The following ZC3H3 variants were observed in gnomAD, a reference collection of about 807,000 sequenced individuals.
The protein encoded by ZC3H3 is zinc finger CCCH-type containing 3, also known as zinc finger CCCH domain-containing protein 3.
Under a neutral mutation model 77.3 loss-of-function variants are expected in ZC3H3, and 36 were observed. The ratio of observed to expected loss-of-function variants is 0.47; its 90% confidence interval spans 0.36 to 0.61. The LOEUF is 0.61. Ranked by LOEUF, ZC3H3 falls within the 20% of genes least tolerant of loss-of-function variation. The probability of loss-of-function intolerance (pLI) is 0.00; values close to 1 mark genes in which losing one functional copy is unlikely to be tolerated. For missense variants in ZC3H3, 1,331 were observed against 1,312.2 expected (o/e 1.01, Z -0.22); for synonymous variants, 626 against 555.2 (o/e 1.13, Z -1.79).
chr8:143,476,860 C>CA (rs1184659754), intron 4 of ZC3H3, among the ~76,000 whole-genome samples: 2 of 152,252 alleles, frequency 1.3e-5, no homozygotes, highest in East Asian at 3.8e-4. Context: ...CTGAGCCCCC[C>CA]AACCCATCCA....
At chr8:143,500,438 T>C (rs1160978892) in intron 4 of ZC3H3, among the ~76,000 whole-genome samples, 2 of 152,202 alleles carry the variant, frequency 1.3e-5, no homozygotes, top group Non-Finnish European at 2.9e-5. Context: ...GAGCAGAGCA[T>C]CTGCACACTG....
At chr8:143,529,221 A>G (rs1822519609) in intron 3 of ZC3H3, among the ~76,000 whole-genome samples, 1 of 152,112 alleles carries the variant, frequency 6.6e-6, no homozygotes, top group Admixed American at 6.5e-5. Flanking sequence ...ACTGGAATCC[A>G]CAGGCTGCGC....
At position 143,541,361 on chromosome 8, in the gene ZC3H3, C is replaced by T; in HGVS notation, c.46+15G>A. 6.2e-7 allele frequency: 1 copy of T among 1,608,240 alleles called. No individual in the cohort carries two copies. ...GAAAGAAGGGGACTCGCGTCCCGGCCCCGGCCGGACCTACCCTGCAGTAGG... is the reference window on the plus strand; with the variant it reads ...GAAAGAAGGGGACTCGCGTCCCGGCTCCGGCCGGACCTACCCTGCAGTAGG... On this transcript the variant is annotated intron_variant, in intron 1 of 11. Coordinates refer to ENST00000262577, the MANE Select transcript of ZC3H3 (RefSeq NM_015117.3).
intron 9 of ZC3H3, among the ~76,000 whole-genome samples, chr8:143,454,936 G>A (rs1043795140): frequency 1.3e-5 from 2 of 152,036 alleles, no homozygotes; most frequent in Non-Finnish European, 2.9e-5. Context: ...GCCCCAAAGT[G>A]CAACAGTAGT....
intron 4 of ZC3H3, among the ~76,000 whole-genome samples, chr8:143,488,820 T>G (rs188599269): frequency 1.3e-5 from 2 of 152,360 alleles, no homozygotes; most frequent in East Asian, 1.9e-4. Context: ...CGACTCCCCC[T>G]GAACACTTGG....
At chr8:143,455,701 G>A (rs1293317612) in intron 9 of ZC3H3, among the ~76,000 whole-genome samples, 1 of 152,184 alleles carries the variant, frequency 6.6e-6, no homozygotes, top group East Asian at 1.9e-4. Flanking sequence ...AGCCGGGCGT[G>A]ATGGCTCATG....
At chr8:143,495,983 CAT>C (rs1372932388) in intron 4 of ZC3H3, among the ~76,000 whole-genome samples, 13 of 152,256 alleles carry the variant, frequency 8.5e-5, no homozygotes, top group South Asian at 2.1e-4. Flanking sequence ...ACTATGAACA[CAT>C]GTGGACCTCT....
At chr8:143,468,562 C>A in intron 6 of ZC3H3, 22 bp from the exon 7 acceptor site, 1 of 1,602,814 alleles carries the variant, frequency 6.2e-7, no homozygotes, top group African/African-American at 1.3e-5. Context: ...GAGAGAGGTG[C>A]GTGAGCCTGA....
At chr8:143,499,968 C>A (rs1297525366) in intron 4 of ZC3H3, among the ~76,000 whole-genome samples, 2 of 152,194 alleles carry the variant, frequency 1.3e-5, no homozygotes, top group African/African-American at 2.4e-5. Context: ...GCCCTGATAA[C>A]CCCTGGCCCC....
At position 143,463,501 on chromosome 8, in the gene ZC3H3, C is replaced by T. The variant is rs183429185; in HGVS notation, c.2307+2216G>A. Reference sequence around the variant, plus strand: ...TGGACAAACAGGCGAGCGGTGAGCACGGAGGAGGGAAAACTCTTCCGTTCA... The same window carrying T: ...TGGACAAACAGGCGAGCGGTGAGCATGGAGGAGGGAAAACTCTTCCGTTCA... On this transcript the variant is annotated intron_variant, in intron 9 of 11. Transcript: ENST00000262577. Among the ~76,000 whole-genome samples the T allele has an allele frequency of 2.2e-3, 330 of 152,242 alleles. 3 individuals are homozygous for T. The highest frequency in any genetic ancestry group is 7.4e-3 in the African/African-American group (307 of 41,524).
chr8:143,481,063 C>T (rs938360407), intron 4 of ZC3H3, among the ~76,000 whole-genome samples: 7 of 152,338 alleles, frequency 4.6e-5, no homozygotes, highest in African/African-American at 1.7e-4. Flanking sequence ...ACACATGCTG[C>T]CCAGGACACC....
chr8:143,494,033 ACT>A lies in ZC3H3; in HGVS notation c.1715+13711_1715+13712del, dbSNP rs2129976615. On this transcript the variant is annotated intron_variant, in intron 4 of 11. Coordinates refer to ENST00000262577, the MANE Select transcript of ZC3H3 (RefSeq NM_015117.3). This position sits in a 1 kb window ranked among gnomAD's most constrained non-coding sequence, Gnocchi z 5.3. The stretch of plus-strand genomic sequence containing the variant: ...TAACCGCCTGTTCCCATAAAATAAA[ACT>A]CTAAAAAACCTGCCGGAGTCCTGCC... 6.6e-6 allele frequency among the ~76,000 whole-genome samples: 1 copy of A among 152,264 alleles called. No homozygotes were observed. The highest frequency in any genetic ancestry group is 2.4e-5 in the African/African-American group (1 of 41,562).
At chr8:143,467,260 G>C (rs890346299) in intron 8 of ZC3H3, among the ~76,000 whole-genome samples, 4 of 152,148 alleles carry the variant, frequency 2.6e-5, no homozygotes, top group African/African-American at 9.7e-5. Context: ...GAGCGGGGCT[G>C]TTATCAAGAG....
In ZC3H3 at chr8:143,467,999, C is replaced by A. The variant is rs371177043; in HGVS notation, c.2175+210G>T. On this transcript the variant is annotated intron_variant, in intron 8 of 11. Coordinates refer to ENST00000262577, the MANE Select transcript of ZC3H3 (RefSeq NM_015117.3). ...GACCCCTGTGCGTGGTGAGCAGAGA[C>A]CCTATCAGCGCTGCTTTCCGGGGAA... 9.8e-5 allele frequency among the ~76,000 whole-genome samples: 15 copies of A among 152,290 alleles called. 1 individual carries two copies. In the East Asian group the frequency reaches 1.2e-3, roughly 12 times the overall value.
At chr8:143,476,661 C>A (rs147492124) in intron 4 of ZC3H3, among the ~76,000 whole-genome samples, 1 of 152,378 alleles carries the variant, frequency 6.6e-6, no homozygotes, top group East Asian at 1.9e-4. Flanking sequence ...GGATACCACA[C>A]CCCCAGCAAA....
intron 4 of ZC3H3, among the ~76,000 whole-genome samples, chr8:143,492,763 G>T (rs1367294075): frequency 4.5e-5 from 6 of 132,894 alleles, no homozygotes; most frequent in South Asian, 5.4e-4. Flanking sequence ...TGGCCCAGGG[G>T]CTCCCTCCTC....
At chr8:143,519,602 A>G (rs1822175021) in intron 3 of ZC3H3, among the ~76,000 whole-genome samples, 2 of 152,156 alleles carry the variant, frequency 1.3e-5, no homozygotes. Context: ...GTGTGCTCAC[A>G]CTGGCACCCG....
rs1392553573 is a variant in ZC3H3 at position 143,462,567 on chromosome 8, G to A, written c.2307+3150C>T. Among the ~76,000 whole-genome samples the A allele has an allele frequency of 1.3e-5, 2 of 152,202 alleles. No individual in the cohort carries two copies. Among genetic ancestry groups the A allele is most frequent in the Admixed American group, 1.3e-4 (2 of 15,290 alleles). On this transcript the variant is annotated intron_variant, in intron 9 of 11. Coordinates refer to ENST00000262577, the MANE Select transcript of ZC3H3 (RefSeq NM_015117.3). This position sits in a 1 kb window ranked among gnomAD's most constrained non-coding sequence, Gnocchi z 4.7. The stretch of plus-strand genomic sequence containing the variant: ...AGGATGAAGGCAGGGTGTGCGTGAG[G>A]GGAATCCCAGGTGACTCAGGTCTCA...
intron 4 of ZC3H3, among the ~76,000 whole-genome samples, chr8:143,505,717 G>A (rs944178610): frequency 6.6e-6 from 1 of 152,230 alleles, no homozygotes; most frequent in African/African-American, 2.4e-5. Flanking sequence ...TCCTGGGGCG[G>A]ACTCAGCCTG....
Sources: allele counts gnomAD v4.1 joint callset (sites outside exome capture counted in the v4.1 genomes callset), GRCh38; gene constraint gnomAD v4.1.1; non-coding constraint Gnocchi (gnomAD v3.1); transcripts MANE v1.5; gene names NCBI Gene and HGNC (gene_info 2026-07-23, HGNC 2026-07-21).